ZFAND3: variants seen among roughly 807,000 people sequenced by gnomAD.
ZFAND3 encodes the protein AN1-type zinc finger protein 3.
In ZFAND3, 10 loss-of-function variants were observed where a neutral mutation model predicts 29.6. The ratio of observed to expected loss-of-function variants is 0.34; its 90% CI spans 0.21 to 0.57. The LOEUF is 0.57. ZFAND3 is among the 20% of genes least tolerant of loss of function. ZFAND3 has a pLI of 0.86. For synonymous variants in ZFAND3, 128 were observed against 112.6 expected (o/e 1.14, Z -0.87); for missense variants, 230 against 304.5 (o/e 0.76, Z 1.82).
chr6:37,847,848 A>G (rs1684520783), intron 1 of ZFAND3, among the ~76,000 whole-genome samples: 1 of 152,246 alleles, frequency 6.6e-6, no homozygotes, highest in South Asian at 2.1e-4. Flanking sequence ...TCAATTCAGT[A>G]TGTTCATAAA....
chr6:37,939,799 C>A (rs868555167), intron 2 of ZFAND3, among the ~76,000 whole-genome samples: 4 of 152,182 alleles, frequency 2.6e-5, no homozygotes, highest in African/African-American at 9.6e-5. Flanking sequence ...CCCAACACTT[C>A]GGGAGGCTTA....
At chr6:37,935,826 G>T (rs1761688521) in intron 2 of ZFAND3, among the ~76,000 whole-genome samples, 1 of 152,146 alleles carries the variant, frequency 6.6e-6, no homozygotes, top group African/African-American at 2.4e-5. Context: ...TTGATTTCTT[G>T]TGATCTTTGT....
At chr6:37,906,324 A>C (rs1258782458) in intron 1 of ZFAND3, among the ~76,000 whole-genome samples, 1 of 152,134 alleles carries the variant, frequency 6.6e-6, no homozygotes, top group African/African-American at 2.4e-5. Context: ...TAATGTTTTC[A>C]GGGCTTATCC....
intron 2 of ZFAND3, among the ~76,000 whole-genome samples, chr6:38,017,997 T>G (rs1763281597): frequency 6.6e-6 from 1 of 152,230 alleles, no homozygotes; most frequent in Admixed American, 6.5e-5. Flanking sequence ...TTGCGGACTT[T>G]GAGGATCAGC....
intron 2 of ZFAND3, among the ~76,000 whole-genome samples, chr6:38,011,817 C>G (rs114779967): frequency 0.037 from 5,615 of 152,124 alleles, 153 homozygotes; most frequent in Non-Finnish European, 0.057. Flanking sequence ...ATGATCACAC[C>G]TGATCAATTA....
At chr6:37,982,634 A>G (rs528740910) in intron 2 of ZFAND3, among the ~76,000 whole-genome samples, 20 of 152,366 alleles carry the variant, frequency 1.3e-4, no homozygotes, top group African/African-American at 1.7e-4. Context: ...GTATAAAAGT[A>G]TAGCCAGTAC....
At chr6:37,877,888 G>A (rs1279948247) in intron 1 of ZFAND3, among the ~76,000 whole-genome samples, 1 of 152,196 alleles carries the variant, frequency 6.6e-6, no homozygotes, top group Non-Finnish European at 1.5e-5. Context: ...AGCAGACGCT[G>A]GAAGGTTTTA....
chr6:38,077,344 G>T (rs1179540206), intron 3 of ZFAND3, among the ~76,000 whole-genome samples: 1 of 152,116 alleles, frequency 6.6e-6, no homozygotes, highest in Non-Finnish European at 1.5e-5. Context: ...ATGATAGAGT[G>T]GAATTGACAA....
At chr6:38,073,297 G>C (rs1463447597) in intron 3 of ZFAND3, among the ~76,000 whole-genome samples, 1 of 149,630 alleles carries the variant, frequency 6.7e-6, no homozygotes, top group Admixed American at 6.6e-5. Context: ...GCTGCAGGCT[G>C]AGATTTATGA....
intron 2 of ZFAND3, among the ~76,000 whole-genome samples, chr6:38,018,445 G>A (rs1763288300): frequency 6.6e-6 from 1 of 151,944 alleles, no homozygotes; most frequent in Non-Finnish European, 1.5e-5. Flanking sequence ...GTTTTTGAAG[G>A]GGAAGTACAC....
chr6:38,007,460 A>G (rs754678907), intron 2 of ZFAND3, among the ~76,000 whole-genome samples: 3 of 152,062 alleles, frequency 2.0e-5, no homozygotes, highest in Non-Finnish European at 4.4e-5. Flanking sequence ...TGGGAGGATC[A>G]CTTGAGCCTA....
chr6:37,827,368 T>A lies in ZFAND3; in HGVS notation c.71+7352T>A, dbSNP rs534337462. Reference sequence around the variant, plus strand: ...GGTATTGGTCTAACAATCAGTTTCTTTTTGGTTCAAAGAATTTTTGAAGCT... The same window carrying A: ...GGTATTGGTCTAACAATCAGTTTCTATTTGGTTCAAAGAATTTTTGAAGCT... On this transcript the variant is annotated intron_variant, in intron 1 of 5. Transcript: ENST00000287218. 2.6e-5 allele frequency among the ~76,000 whole-genome samples: 4 copies of A among 152,338 alleles called. No individual in the cohort carries two copies. The East Asian group carries it at 5.8e-4, about 22-fold the overall frequency.
At chr6:38,038,742 G>A (rs1763706355) in intron 2 of ZFAND3, among the ~76,000 whole-genome samples, 1 of 152,072 alleles carries the variant, frequency 6.6e-6, no homozygotes, top group African/African-American at 2.4e-5. Flanking sequence ...ATAGTCATTT[G>A]TCTTTACCAA....
At chr6:38,107,027 G>A (rs1041852670) in intron 4 of ZFAND3, among the ~76,000 whole-genome samples, 1 of 151,928 alleles carries the variant, frequency 6.6e-6, no homozygotes, top group African/African-American at 2.4e-5. Flanking sequence ...TTTAAAATAA[G>A]AATTTTAGAG....
At chr6:37,892,244 A>G (rs1032730617) in intron 1 of ZFAND3, among the ~76,000 whole-genome samples, 4 of 152,242 alleles carry the variant, frequency 2.6e-5, no homozygotes, top group Non-Finnish European at 4.4e-5. Context: ...TAGCTGGTCA[A>G]AGAAATCAGA....
intron 2 of ZFAND3, among the ~76,000 whole-genome samples, chr6:37,973,521 A>G (rs1372735652): frequency 1.3e-5 from 2 of 152,242 alleles, no homozygotes; most frequent in South Asian, 2.1e-4. Flanking sequence ...TGGTAGCTAC[A>G]TGTGGTTATT....
chr6:37,895,170 A>G (rs1198158844), intron 1 of ZFAND3, among the ~76,000 whole-genome samples: 3 of 151,796 alleles, frequency 2.0e-5, no homozygotes, highest in Non-Finnish European at 4.4e-5. Context: ...TCACTCATAG[A>G]TCCTTTTTAT....
chr6:37,943,723 A>T (rs928109579), intron 2 of ZFAND3, among the ~76,000 whole-genome samples: 1 of 152,222 alleles, frequency 6.6e-6, no homozygotes, highest in Admixed American at 6.5e-5. Context: ...TGATATTAGT[A>T]AATGATGATC....
rs367737222 is a variant in ZFAND3 at position 38,152,714 on chromosome 6, A to G, written c.*325A>G. 1 of 1,045,510 alleles carries G rather than the reference A, an allele frequency of 9.6e-7. No homozygotes were observed. Among genetic ancestry groups the G allele is most frequent in the Non-Finnish European group, 1.1e-6 (1 of 869,772 alleles). The allele number at this position is 1,045,510 out of a possible 1,614,324, so 64.8% of individuals were successfully genotyped here. The stretch of plus-strand genomic sequence containing the variant: ...AACTTATAAAAAGCCTTAAGTGGAA[A>G]GTGTTCCAGACGGAGACTCTGAGTT... On this transcript the variant is annotated 3_prime_UTR_variant, in exon 6 of 6. Coordinates refer to ENST00000287218, the MANE Select transcript of ZFAND3 (RefSeq NM_021943.3).
Sources: allele counts gnomAD v4.1 joint callset (sites outside exome capture counted in the v4.1 genomes callset), GRCh38; gene constraint gnomAD v4.1.1; transcripts MANE v1.5; gene names NCBI Gene and HGNC (gene_info 2026-07-23, HGNC 2026-07-21).